FAM171B: variants seen among roughly 807,000 people sequenced by gnomAD.
FAM171B encodes family with sequence similarity 171 member B.
A neutral mutation model predicts 75.6 loss-of-function variants in FAM171B; 19 were observed. The observed-to-expected ratio is 0.25, with a 90% confidence interval of 0.18 to 0.37. The LOEUF is 0.37. FAM171B is among the 10% of genes least tolerant of loss of function. FAM171B has a pLI of 1.00. For synonymous variants in FAM171B, 367 were observed against 361.7 expected (o/e 1.01, Z -0.17); for missense variants, 848 against 982.4 (o/e 0.86, Z 1.83).
chr2:186,730,704 C>T (rs1690102260), intron 1 of FAM171B, among the ~76,000 whole-genome samples: 1 of 152,086 alleles, frequency 6.6e-6, no homozygotes, highest in Admixed American at 6.5e-5. Flanking sequence ...TAAAATCATC[C>T]ATTCTGGATT....
chr2:186,746,995 A>T, intron 3 of FAM171B, 97 bp from the exon 4 acceptor site: 1 of 855,404 alleles, frequency 1.2e-6, no homozygotes, highest in Non-Finnish European at 1.8e-6. Context: ...GTTTAGCAAT[A>T]ATTATAATTG....
rs1263293434 is a variant in FAM171B at position 186,764,458 on chromosome 2, G to A, written c.*1635G>A. ...AAATAATGTTTTGGGTAATACCTAG[G>A]CTTCCTTTTTTTTTTTTTTTTTTTT... is the stretch of plus-strand genomic sequence containing the variant. On this transcript the variant is annotated 3_prime_UTR_variant, in exon 8 of 8. Transcript: ENST00000304698. The A allele has an allele frequency of 1.5e-5, 2 of 135,306 alleles. No individual in the cohort carries two copies. The highest frequency in any genetic ancestry group is 5.4e-5 in the African/African-American group (2 of 36,808). 8.4% of individuals were successfully genotyped at this position (135,306 alleles called of 1,614,324 possible). A position where few individuals can be genotyped will look rare whatever the true frequency, so the allele number is the denominator to read the frequency against.
At chr2:186,719,770 C>T (rs1689925744) in intron 1 of FAM171B, among the ~76,000 whole-genome samples, 1 of 152,192 alleles carries the variant, frequency 6.6e-6, no homozygotes, top group Admixed American at 6.5e-5. Flanking sequence ...CAATGCACAT[C>T]AAGAAGCTAT....
chr2:186,727,270 T>C (rs1178898948), intron 1 of FAM171B, among the ~76,000 whole-genome samples: 1 of 152,082 alleles, frequency 6.6e-6, no homozygotes, highest in Non-Finnish European at 1.5e-5. Context: ...GAGATCCCAT[T>C]TGGTTGGGCT....
At chr2:186,711,539 C>T (rs1289646748) in intron 1 of FAM171B, among the ~76,000 whole-genome samples, 1 of 152,180 alleles carries the variant, frequency 6.6e-6, no homozygotes, top group Non-Finnish European at 1.5e-5. Flanking sequence ...GAAGCCAGTA[C>T]ACAGAAATGG....
At position 186,762,957 on chromosome 2, in the gene FAM171B, G is replaced by GTAA; in HGVS notation, c.*136_*138dup. ...GGACATGTCTCAAGCAGAGTAAATG[G>GTAA]TAATTCAGTAATCAGAGAGAAAGAT... is the stretch of plus-strand genomic sequence containing the variant. On this transcript the variant is annotated 3_prime_UTR_variant, in exon 8 of 8. Transcript: ENST00000304698. The surrounding 1 kb of genome is among the most constrained non-coding windows in gnomAD (Gnocchi z 4.0). 9.8e-7 allele frequency: 1 copy of GTAA among 1,018,908 alleles called. No individual in the cohort carries two copies. The highest frequency in any genetic ancestry group is 2.9e-5 in the Admixed American group (1 of 35,030). The allele number at this position is 1,018,908 out of a possible 1,614,324, so 63.1% of individuals were successfully genotyped here.
At chr2:186,714,276 T>C (rs1260066930) in intron 1 of FAM171B, among the ~76,000 whole-genome samples, 2 of 152,194 alleles carry the variant, frequency 1.3e-5, no homozygotes, top group African/African-American at 4.8e-5. Context: ...TTGTGTTCTG[T>C]GAAATTTGAG....
intron 1 of FAM171B, among the ~76,000 whole-genome samples, chr2:186,705,277 G>GGGTCTT (rs1213720905): frequency 6.6e-6 from 1 of 152,124 alleles, no homozygotes; most frequent in Non-Finnish European, 1.5e-5. Context: ...TTGGGTTGTT[G>GGGTCTT]GGTCTTTGCC....
At chr2:186,708,600 G>A (rs530472989) in intron 1 of FAM171B, among the ~76,000 whole-genome samples, 12 of 152,274 alleles carry the variant, frequency 7.9e-5, no homozygotes, top group Admixed American at 7.2e-4. Context: ...CACACTTAAA[G>A]TGAGTCTAGA....
At chr2:186,704,346 A>C (rs908021865) in intron 1 of FAM171B, among the ~76,000 whole-genome samples, 2 of 152,188 alleles carry the variant, frequency 1.3e-5, no homozygotes, top group Non-Finnish European at 2.9e-5. Flanking sequence ...TTTTTAAAAA[A>C]ACAGAAGTAT....
chr2:186,743,603 A>G (rs770128461), intron 3 of FAM171B, 28 bp downstream of exon 3: 1 of 1,396,040 alleles, frequency 7.2e-7, no homozygotes. Flanking sequence ...TACTAAGTAA[A>G]CACTTAAAGT....
chr2:186,735,002 C>T lies in FAM171B; in HGVS notation c.239-5226C>T, dbSNP rs1050309171. ...CTGTGAGGGAAGGGAGCTTCCTGGG[C>T]CCCTGAGAGCAGAGGGATGCTGGGG... On this transcript the variant is annotated intron_variant, in intron 1 of 7. Coordinates refer to ENST00000304698, the MANE Select transcript of FAM171B (RefSeq NM_177454.4). Among the ~76,000 whole-genome samples the T allele has an allele frequency of 2.0e-5, 3 of 152,218 alleles. No homozygotes were observed. The East Asian group carries it at 5.8e-4, about 29-fold the overall frequency.
rs752062893 is a variant in FAM171B at position 186,737,172 on chromosome 2, C to T, written c.239-3056C>T. Reference sequence around the variant, plus strand: ...GTGGATGGTGACTGACTCCAGAACCCGTTTACAGGGGAAGAGAAAGCATCT... The same window carrying T: ...GTGGATGGTGACTGACTCCAGAACCTGTTTACAGGGGAAGAGAAAGCATCT... On this transcript the variant is annotated intron_variant, in intron 1 of 7. Transcript: ENST00000304698. Among the ~76,000 whole-genome samples, 6 of 152,188 alleles carry T rather than the reference C, an allele frequency of 3.9e-5. No individual in the cohort carries two copies. The East Asian group carries it at 7.7e-4, about 20-fold the overall frequency.
chr2:186,757,071 G>T (rs1027856855), intron 6 of FAM171B, among the ~76,000 whole-genome samples: 6 of 152,094 alleles, frequency 3.9e-5, no homozygotes, highest in African/African-American at 1.4e-4. Context: ...CTTGAGGAAT[G>T]TTGATGGAGG....
At chr2:186,695,706 T>C (rs1027580170) in intron 1 of FAM171B, among the ~76,000 whole-genome samples, 1 of 152,164 alleles carries the variant, frequency 6.6e-6, no homozygotes, top group Non-Finnish European at 1.5e-5. Context: ...TTAATAACAC[T>C]CAAGTGTGGC....
At chr2:186,760,858 A>G (rs920280086) in intron 6 of FAM171B, among the ~76,000 whole-genome samples, 2 of 152,008 alleles carry the variant, frequency 1.3e-5, no homozygotes, top group African/African-American at 4.8e-5. Flanking sequence ...CACATATTAG[A>G]AGTCTTGAGC....
Position 186,708,378 on chromosome 2 carries a change from A to G in FAM171B, c.238+13967A>G, listed in dbSNP as rs1689763143. Among the ~76,000 whole-genome samples, 2 of 152,220 alleles carry G rather than the reference A, an allele frequency of 1.3e-5. 1 individual carries two copies. The highest frequency in any genetic ancestry group is 4.1e-4 in the South Asian group (2 of 4,824). Reference sequence around the variant, plus strand: ...CTATTTTTTTTTCTTTTTAAACAAAACTCATTGAATGTCTATGTGCCAGAT... The same window carrying G: ...CTATTTTTTTTTCTTTTTAAACAAAGCTCATTGAATGTCTATGTGCCAGAT... On this transcript the variant is annotated intron_variant, in intron 1 of 7. Coordinates refer to ENST00000304698, the MANE Select transcript of FAM171B (RefSeq NM_177454.4).
intron 4 of FAM171B, among the ~76,000 whole-genome samples, chr2:186,750,216 C>T (rs929788327): frequency 1.3e-5 from 2 of 152,118 alleles, no homozygotes; most frequent in African/African-American, 2.4e-5. Flanking sequence ...TTTTATTCTT[C>T]ATAAATATTC....
At chr2:186,735,923 A>G (rs1027716824) in intron 1 of FAM171B, among the ~76,000 whole-genome samples, 1 of 152,224 alleles carries the variant, frequency 6.6e-6, no homozygotes, top group African/African-American at 2.4e-5. Context: ...TTTATCTCTT[A>G]AAAGTAGTGA....
Sources: allele counts gnomAD v4.1 joint callset (sites outside exome capture counted in the v4.1 genomes callset), GRCh38; gene constraint gnomAD v4.1.1; non-coding constraint Gnocchi (gnomAD v3.1); transcripts MANE v1.5; gene names NCBI Gene and HGNC (gene_info 2026-07-23, HGNC 2026-07-21).